Variants in ABLIM3 observed in about 807,000 individuals in gnomAD.
ABLIM3 encodes the protein actin-binding LIM protein 3.
A neutral mutation model predicts 109.5 loss-of-function variants in ABLIM3; 61 were observed. That is an observed-to-expected ratio of 0.56 (90% CI 0.45 to 0.69). The LOEUF (loss-of-function observed/expected upper bound fraction) is 0.69. Ranked by LOEUF, ABLIM3 falls within the 30% of genes least tolerant of loss-of-function variation. ABLIM3 has a pLI of 0.00. For missense variants in ABLIM3, 796 were observed against 889.5 expected, an observed-to-expected ratio of 0.89 and a Z score of 1.34; for synonymous variants, 300 against 324.8, an observed-to-expected ratio of 0.92 and a Z score of 0.82.
intron 3 of ABLIM3, among the ~76,000 whole-genome samples, chr5:149,192,637 G>GAAAAAAAAAA (rs767252934): frequency 2.0e-5 from 2 of 101,228 alleles, no homozygotes; most frequent in Non-Finnish European, 4.3e-5. Context: ...AAAAAAAAAA[G>GAAAAAAAAAA]AAAAAAAAAA....
At position 149,231,026 on chromosome 5, in the gene ABLIM3, T is replaced by G. The variant is rs571664805; in HGVS notation, c.816+319T>G. Among the ~76,000 whole-genome samples, 467 of 152,304 alleles carry G rather than the reference T, an allele frequency of 3.1e-3. 2 individuals carry two copies. Among genetic ancestry groups the G allele is most frequent in the Middle Eastern group, 0.01 (3 of 294 alleles). On this transcript the variant is annotated intron_variant, in intron 9 of 23. Transcript: ENST00000309868. ...GCTGAGAAGCTCTCGCCATGGTTTTTCCCAGCCTAAGGTCACTCGTTAATA... is the reference window on the plus strand; with the variant it reads ...GCTGAGAAGCTCTCGCCATGGTTTTGCCCAGCCTAAGGTCACTCGTTAATA...
At chr5:149,165,732 C>T (rs1278151762) in intron 2 of ABLIM3, among the ~76,000 whole-genome samples, 1 of 152,170 alleles carries the variant, frequency 6.6e-6, no homozygotes, top group Non-Finnish European at 1.5e-5. Flanking sequence ...GATTACTTCT[C>T]CTCCCTTCAC....
At chr5:149,251,972 GAAC>G (rs1436300039) in intron 21 of ABLIM3, among the ~76,000 whole-genome samples, 1 of 152,042 alleles carries the variant, frequency 6.6e-6, no homozygotes, top group Non-Finnish European at 1.5e-5. Flanking sequence ...TTTTTCCTTA[GAAC>G]CATCTCAAGA....
intron 5 of ABLIM3, 80 bp downstream of exon 5, chr5:149,200,508 C>G: frequency 6.9e-7 from 1 of 1,447,170 alleles, no homozygotes; most frequent in Non-Finnish European, 9.6e-7. Context: ...GCCAACTGCT[C>G]CCACGGGCCT....
chr5:149,172,150 A>G (rs1423838386), intron 2 of ABLIM3, among the ~76,000 whole-genome samples: 1 of 152,230 alleles, frequency 6.6e-6, no homozygotes, highest in Non-Finnish European at 1.5e-5. Flanking sequence ...GTTTTAAATT[A>G]TGTGTGCAAC....
intron 3 of ABLIM3, among the ~76,000 whole-genome samples, chr5:149,193,637 C>T (rs1757706009): frequency 6.6e-6 from 1 of 152,032 alleles, no homozygotes; most frequent in African/African-American, 2.4e-5. Context: ...TGACAAAAGG[C>T]CAGGAATAAT....
intron 3 of ABLIM3, among the ~76,000 whole-genome samples, chr5:149,187,145 T>C (rs947419969): frequency 6.6e-6 from 1 of 152,156 alleles, no homozygotes; most frequent in Non-Finnish European, 1.5e-5. Flanking sequence ...TGGGGATAGA[T>C]AATAGAGAAC....
intron 2 of ABLIM3, among the ~76,000 whole-genome samples, chr5:149,149,965 C>T (rs1295669209): frequency 6.6e-6 from 1 of 152,148 alleles, no homozygotes; most frequent in Non-Finnish European, 1.5e-5. Flanking sequence ...GTGGCTGTGG[C>T]CCCAGGAAGG....
chr5:149,246,620 CAA>C, intron 17 of ABLIM3, 74 bp downstream of exon 17: 2 of 1,479,944 alleles, frequency 1.4e-6, no homozygotes, highest in Middle Eastern at 1.9e-4. Flanking sequence ...TTACAAGCAA[CAA>C]AAAACAGATT....
In ABLIM3 at chr5:149,237,554, A is replaced by T. The variant is rs556018790; in HGVS notation, c.995A>T (p.His332Leu). ...CCCGACCTCATTTCCTATGAGCCTC[A>T]TTCCAGATACATGTCCGACGAGATG... ...QRPDLISYEPHSRYMSDEMLE... is the reference protein window; with the variant it reads ...QRPDLISYEPLSRYMSDEMLE... Residue 332 changes from histidine (H) to leucine (L), a missense_variant, in exon 11 of 24, where the codon CAT becomes CTT. By Grantham distance (99) the His-to-Leu change is moderately conservative. Coordinates refer to ENST00000309868, the MANE Select transcript of ABLIM3 (RefSeq NM_014945.5). The T allele has an allele frequency of 4.3e-5, 69 of 1,614,200 alleles. No individual in the cohort carries two copies. The highest frequency in any genetic ancestry group is 1.3e-4 in the South Asian group (12 of 91,080).
intron 11 of ABLIM3, among the ~76,000 whole-genome samples, chr5:149,237,963 T>C (rs999982080): frequency 1.3e-5 from 2 of 152,106 alleles, no homozygotes; most frequent in Admixed American, 6.5e-5. Context: ...TTGTATTTCT[T>C]ATACTGTAGG....
chr5:149,216,250 T>G (rs942061179), intron 7 of ABLIM3, among the ~76,000 whole-genome samples: 4 of 152,178 alleles, frequency 2.6e-5, no homozygotes, highest in Non-Finnish European at 5.9e-5. Context: ...CCATAATACT[T>G]TAAGTGTCTT....
intron 3 of ABLIM3, among the ~76,000 whole-genome samples, chr5:149,197,313 C>T (rs1396195944): frequency 6.6e-6 from 1 of 152,192 alleles, no homozygotes; most frequent in Non-Finnish European, 1.5e-5. Context: ...TGCTTTGGCT[C>T]ATTCATTCTG....
intron 3 of ABLIM3, among the ~76,000 whole-genome samples, chr5:149,191,234 A>G (rs1263246368): frequency 6.6e-6 from 1 of 152,208 alleles, no homozygotes; most frequent in Non-Finnish European, 1.5e-5. Flanking sequence ...AATATTAAGA[A>G]TTAAAATAGG....
chr5:149,215,307 C>T (rs1004913517), intron 7 of ABLIM3, among the ~76,000 whole-genome samples: 1 of 152,174 alleles, frequency 6.6e-6, no homozygotes, highest in Non-Finnish European at 1.5e-5. Context: ...ATAGCAGGCT[C>T]CTTCCAAAGT....
chr5:149,198,303 G>A lies in ABLIM3; in HGVS notation c.236G>A (p.Gly79Asp). ...ICTQDYQQLY[G>D]TRCDSCRDFI... is the part of the protein sequence containing the mutation. ...ACCCAGGACTACCAGCAACTCTATG[G>A]CACCCGCTGTGACAGCTGCCGGGAC... Residue 79 changes from glycine to aspartate, a missense_variant, in exon 4 of 24, where the codon GGC becomes GAC. By Grantham distance (94) the Gly-to-Asp change is moderately conservative. Transcript: ENST00000309868. This position sits in a 1 kb window ranked among gnomAD's most constrained non-coding sequence, Gnocchi z 4.2. The A allele has an allele frequency of 6.2e-7, 1 of 1,614,190 alleles. No individual in the cohort carries two copies. The highest frequency in any genetic ancestry group is 8.5e-7 in the Non-Finnish European group (1 of 1,180,022).
intron 8 of ABLIM3, chr5:149,220,762 G>A (rs1760564623): frequency 6.6e-6 from 1 of 152,224 alleles, no homozygotes; most frequent in Non-Finnish European, 1.5e-5. Flanking sequence ...CTGTGACCTT[G>A]AGAAGTGGCT....
At chr5:149,152,960 G>T (rs1251123617) in intron 2 of ABLIM3, among the ~76,000 whole-genome samples, 1 of 151,976 alleles carries the variant, frequency 6.6e-6, no homozygotes, top group Non-Finnish European at 1.5e-5. Context: ...AGAAATCAAG[G>T]TAGCAAATAA....
At chr5:149,164,885 C>A (rs957152760) in intron 2 of ABLIM3, among the ~76,000 whole-genome samples, 4 of 152,264 alleles carry the variant, frequency 2.6e-5, no homozygotes, top group African/African-American at 9.6e-5. Flanking sequence ...AAGTAATTAA[C>A]AGCCTGGACT....
Sources: allele counts gnomAD v4.1 joint callset (sites outside exome capture counted in the v4.1 genomes callset), GRCh38; gene constraint gnomAD v4.1.1; non-coding constraint Gnocchi (gnomAD v3.1); transcripts MANE v1.5; gene names NCBI Gene and HGNC (gene_info 2026-07-23, HGNC 2026-07-21).